ADAMTS19: variants seen among roughly 807,000 people sequenced by gnomAD.
ADAMTS19 encodes ADAM metallopeptidase with thrombospondin type 1 motif 19, also known as A disintegrin and metalloproteinase with thrombospondin motifs 19.
ADAMTS19 carries 93 observed loss-of-function variants against 153.3 expected under a neutral mutation model. The ratio of observed to expected loss-of-function variants is 0.61; its 90% CI spans 0.51 to 0.72. ADAMTS19 has a LOEUF of 0.72. Among genes scored for constraint, ADAMTS19 ranks in the 30% least tolerant of loss-of-function variants. ADAMTS19 has a pLI of 0.00. For synonymous variants in ADAMTS19, 600 were observed against 556.6 expected (o/e 1.08, Z -1.10); for missense variants, 1,482 against 1,552.1 (o/e 0.95, Z 0.76).
chr5:129,728,886 C>T (rs1307465442), intron 21 of ADAMTS19, among the ~76,000 whole-genome samples: 1 of 152,034 alleles, frequency 6.6e-6, no homozygotes, highest in African/African-American at 2.4e-5. Context: ...TATTCTGAGA[C>T]ATTCAAGCAA....
At chr5:129,643,387 G>GA (rs1243600325) in intron 11 of ADAMTS19, among the ~76,000 whole-genome samples, 26 of 114,500 alleles carry the variant, frequency 2.3e-4, no homozygotes, top group Middle Eastern at 4.3e-3. Context: ...AAAAAAAAAA[G>GA]AAAAAAAAAA....
chr5:129,723,216 G>A (rs563836359), intron 21 of ADAMTS19, among the ~76,000 whole-genome samples: 2 of 152,134 alleles, frequency 1.3e-5, no homozygotes, highest in East Asian at 1.9e-4. Flanking sequence ...AGTAAACTTC[G>A]ACTCTACACT....
chr5:129,664,542 CA>C (rs1176400226), intron 15 of ADAMTS19, among the ~76,000 whole-genome samples: 1 of 151,944 alleles, frequency 6.6e-6, no homozygotes, highest in African/African-American at 2.4e-5. Context: ...CCACTACCAC[CA>C]GGGGGGGTAT....
At chr5:129,487,300 A>T (rs1235033604) in intron 2 of ADAMTS19, among the ~76,000 whole-genome samples, 2 of 152,140 alleles carry the variant, frequency 1.3e-5, no homozygotes, top group African/African-American at 4.8e-5. Flanking sequence ...TAGTTTTTCA[A>T]TATATGATGC....
At chr5:129,528,792 T>C (rs1489553536) in intron 6 of ADAMTS19, 115 bp downstream of exon 6, 3 of 838,958 alleles carry the variant, frequency 3.6e-6, no homozygotes, top group East Asian at 6.5e-5. Context: ...TCAAGAGTGA[T>C]TTTGGCATAA....
chr5:129,501,451 T>C (rs1751104466), intron 2 of ADAMTS19, among the ~76,000 whole-genome samples: 1 of 152,154 alleles, frequency 6.6e-6, no homozygotes, highest in South Asian at 2.1e-4. Flanking sequence ...GGCCTGGCTA[T>C]TGATATCAAA....
chr5:129,706,948 A>T (rs1357959316), intron 21 of ADAMTS19, among the ~76,000 whole-genome samples: 1 of 152,184 alleles, frequency 6.6e-6, no homozygotes, highest in African/African-American at 2.4e-5. Flanking sequence ...AATTACTTTT[A>T]ATTGGTTTTG....
chr5:129,705,488 C>G (rs1756108830), intron 21 of ADAMTS19, among the ~76,000 whole-genome samples: 1 of 152,162 alleles, frequency 6.6e-6, no homozygotes, highest in Admixed American at 6.6e-5. Context: ...AATATTGCAT[C>G]TGAGTTATCA....
intron 20 of ADAMTS19, among the ~76,000 whole-genome samples, chr5:129,703,533 G>A (rs541608286): frequency 1.3e-5 from 2 of 152,254 alleles, no homozygotes; most frequent in African/African-American, 4.8e-5. Context: ...AGGAGTTCAA[G>A]ACCAGCCCAG....
In ADAMTS19 at chr5:129,526,444, C is replaced by T. The variant is rs1267852854; in HGVS notation, c.1074C>T (p.Thr358=). Residue 358 remains threonine (T), a synonymous_variant, in exon 4 of 23, where the codon ACC becomes ACT. Coordinates refer to ENST00000274487, the MANE Select transcript of ADAMTS19 (RefSeq NM_133638.6). ...ATGCAGCCAGGAGATTCATTCTAACCATCTTAAATATGGTAGGCAAACTTT... is the reference window on the plus strand; with the variant it reads ...ATGCAGCCAGGAGATTCATTCTAACTATCTTAAATATGGTAGGCAAACTTT... ...GADAARRFIL[T]ILNMVFNLFQ... The T allele has an allele frequency of 6.3e-7, 1 of 1,593,596 alleles. No homozygotes were observed. The highest frequency in any genetic ancestry group is 1.8e-5 in the Admixed American group (1 of 55,502).
chr5:129,497,158 CTCTTT>C (rs1205562127), intron 2 of ADAMTS19, among the ~76,000 whole-genome samples: 8 of 152,062 alleles, frequency 5.3e-5, no homozygotes, highest in Admixed American at 1.3e-4. Context: ...GGAGAGCTTA[CTCTTT>C]TCTTTTCTTC....
intron 3 of ADAMTS19, among the ~76,000 whole-genome samples, chr5:129,514,375 T>C (rs920760027): frequency 4.6e-5 from 7 of 152,118 alleles, no homozygotes; most frequent in Non-Finnish European, 1.0e-4. Flanking sequence ...CTGTTCTCCA[T>C]AGTGGTTTTA....
intron 6 of ADAMTS19, among the ~76,000 whole-genome samples, chr5:129,530,636 T>C (rs1479601037): frequency 6.6e-6 from 1 of 152,150 alleles, no homozygotes; most frequent in Non-Finnish European, 1.5e-5. Context: ...TATTGAGTTC[T>C]TGAGGTACTA....
At chr5:129,675,833 A>G (rs1361527492) in intron 16 of ADAMTS19, among the ~76,000 whole-genome samples, 1 of 152,106 alleles carries the variant, frequency 6.6e-6, no homozygotes. Context: ...TCAGGAGTTC[A>G]GCCTGACCAA....
intron 6 of ADAMTS19, among the ~76,000 whole-genome samples, chr5:129,531,271 C>T (rs1752193760): frequency 6.6e-6 from 1 of 152,110 alleles, no homozygotes; most frequent in Non-Finnish European, 1.5e-5. Context: ...GACAAGCTGA[C>T]TCCAGTACTA....
chr5:129,733,960 T>A (rs906542579), intron 21 of ADAMTS19, among the ~76,000 whole-genome samples: 1 of 34,834 alleles, frequency 2.9e-5, no homozygotes, highest in Non-Finnish European at 8.0e-5. Context: ...TGTGTGTGTG[T>A]GTGTGTGTGT....
At chr5:129,523,930 C>A (rs116811358) in intron 3 of ADAMTS19, among the ~76,000 whole-genome samples, 3 of 152,136 alleles carry the variant, frequency 2.0e-5, no homozygotes, top group African/African-American at 4.8e-5. Context: ...ATCAAGCTTC[C>A]ATTGACTTTC....
chr5:129,596,158 CATTA>C (rs1750365859), intron 7 of ADAMTS19, among the ~76,000 whole-genome samples: 1 of 151,846 alleles, frequency 6.6e-6, no homozygotes, highest in South Asian at 2.1e-4. Flanking sequence ...GTTTATTTTG[CATTA>C]ATTTTTTTGA....
intron 16 of ADAMTS19, among the ~76,000 whole-genome samples, chr5:129,667,379 C>T (rs767416011): frequency 2.0e-5 from 3 of 152,090 alleles, no homozygotes; most frequent in Non-Finnish European, 4.4e-5. Context: ...TCATAGGTAC[C>T]TCAGAAATAA....
Sources: allele counts gnomAD v4.1 joint callset (sites outside exome capture counted in the v4.1 genomes callset), GRCh38; gene constraint gnomAD v4.1.1; transcripts MANE v1.5; gene names NCBI Gene and HGNC (gene_info 2026-07-23, HGNC 2026-07-21).